Variants in PRDX2 observed in about 807,000 individuals in gnomAD.
PRDX2 encodes peroxiredoxin-2.
A neutral mutation model predicts 19.8 loss-of-function variants in PRDX2; 10 were observed. The ratio of observed to expected loss-of-function variants is 0.50; its 90% CI spans 0.31 to 0.86. The LOEUF is 0.86. Among genes scored for constraint, PRDX2 ranks in the 40% least tolerant of loss-of-function variants. The probability of loss-of-function intolerance (pLI) is 0.04; values close to 1 mark genes in which losing one functional copy is unlikely to be tolerated. For synonymous variants in PRDX2, 118 were observed against 108.2 expected, an observed-to-expected ratio of 1.09 and a Z score of -0.56; for missense variants, 226 against 260.1, an observed-to-expected ratio of 0.87 and a Z score of 0.90.
At chr19:12,801,341 C>T in intron 1 of PRDX2, 71 bp from the exon 2 acceptor site, 1 of 1,474,608 alleles carries the variant, frequency 6.8e-7, no homozygotes. Context: ...GCGCTGCGTG[C>T]TGGGCCCTAT....
chr19:12,799,198 CTGTT>C (rs1180043135), intron 5 of PRDX2, among the ~76,000 whole-genome samples: 8 of 151,280 alleles, frequency 5.3e-5, no homozygotes, highest in East Asian at 2.0e-4. Context: ...CGCGCTCGGC[CTGTT>C]TGTTTGTTTT....
intron 1 of PRDX2, 90 bp from the exon 2 acceptor site, chr19:12,801,360 C>G: frequency 7.4e-7 from 1 of 1,357,404 alleles, no homozygotes; most frequent in East Asian, 2.5e-5. Context: ...ATGACTGAGT[C>G]AGCACGGCGG....
chr19:12,797,656 C>CTTTTT (rs1555733212), intron 5 of PRDX2, among the ~76,000 whole-genome samples: 100 of 113,022 alleles, frequency 8.8e-4, no homozygotes, highest in Non-Finnish European at 1.0e-3. Context: ...TTCTTTCTTT[C>CTTTTT]TTTTTTTTTT....
intron 1 of PRDX2, 37 bp downstream of exon 1, chr19:12,801,703 G>A (rs867495667): frequency 3.4e-6 from 1 of 296,126 alleles, no homozygotes; most frequent in South Asian, 8.3e-5. Flanking sequence ...CAGCCTGAAG[G>A]GGGTCCTCCC....
At chr19:12,801,138 C>A in intron 2 of PRDX2, 21 bp downstream of exon 2, 1 of 1,613,922 alleles carries the variant, frequency 6.2e-7, no homozygotes. Flanking sequence ...TCTACCTGGG[C>A]CCCCTCCGGG....
rs764907738 is a variant in PRDX2 at position 12,797,119 on chromosome 19, C to T, written c.559G>A (p.Val187Met). ...GAGAAATATTCCTTGCTGTCATCCA[C>T]GTTGGGCTTAATCGTGTCACTGCCA... is the stretch of plus-strand genomic sequence containing the variant. Reference protein sequence around the residue: ...KPGSDTIKPNVDDSKEYFSKH... With the variant: ...KPGSDTIKPNMDDSKEYFSKH... Residue 187 changes from valine to methionine, a missense_variant, in exon 6 of 6, where the codon GTG becomes ATG. Transcript: ENST00000301522. 17 of 1,614,062 alleles carry T rather than the reference C, an allele frequency of 1.1e-5. No homozygotes were observed. Among genetic ancestry groups the T allele is most frequent in the South Asian group, 4.4e-5 (4 of 91,088 alleles).
intron 5 of PRDX2, among the ~76,000 whole-genome samples, chr19:12,798,131 G>A (rs1968826006): frequency 6.6e-6 from 1 of 150,460 alleles, no homozygotes. Context: ...TGCAAGCTCC[G>A]CCTCCCAGGT....
At chr19:12,800,770 T>G in intron 3 of PRDX2, 146 bp downstream of exon 3, 1 of 1,542,388 alleles carries the variant, frequency 6.5e-7, no homozygotes. Context: ...GTCATCATCC[T>G]TAAAGACTTG....
chr19:12,800,296 G>T lies in PRDX2; in HGVS notation c.261C>A (p.Ile87=). 6.2e-7 allele frequency: 1 copy of T among 1,611,838 alleles called. No individual in the cohort carries two copies. Among genetic ancestry groups the T allele is most frequent in the Non-Finnish European group, 8.5e-7 (1 of 1,179,136 alleles). The part of the protein sequence containing the change: ...VDSQFTHLAW[I]NTPRKEGGLG... ...AGCCTCCCTCTTTCCGGGGGGTGTT[G>T]ATCCTGGGAGTAGGGGAGACAGAGT... The change falls in exon 4 of 6, where the codon ATC becomes ATA. Residue 87 remains isoleucine (I), a synonymous_variant. Transcript: ENST00000301522.
intron 5 of PRDX2, 75 bp downstream of exon 5, chr19:12,799,784 G>T: frequency 2.6e-6 from 4 of 1,564,866 alleles, no homozygotes. Flanking sequence ...CAGGTAAGAG[G>T]ACAGGCAGTG....
intron 1 of PRDX2, 118 bp from the exon 2 acceptor site, chr19:12,801,388 C>T: frequency 9.3e-7 from 1 of 1,077,110 alleles, no homozygotes; most frequent in South Asian, 1.5e-5. Context: ...AGCACTAACC[C>T]TCACCCTCCC....
intron 5 of PRDX2, among the ~76,000 whole-genome samples, chr19:12,797,659 T>TC (rs199744074): frequency 6.3e-5 from 9 of 143,526 alleles, no homozygotes; most frequent in East Asian, 2.0e-4. Context: ...TTTCTTTCTT[T>TC]TTTTTTTTTT....
chr19:12,801,292 T>C (rs1439687303), intron 1 of PRDX2, 22 bp from the exon 2 acceptor site: 1 of 1,590,384 alleles, frequency 6.3e-7, no homozygotes, highest in Non-Finnish European at 8.6e-7. Context: ...GCCCGGTCAG[T>C]GCGCCCGGGA....
At chr19:12,799,694 T>G in intron 5 of PRDX2, 165 bp downstream of exon 5, 1 of 959,154 alleles carries the variant, frequency 1.0e-6, no homozygotes, top group South Asian at 1.8e-5. Flanking sequence ...CAGGCGTTAT[T>G]TGTCTCCTAC....
chr19:12,800,657 A>T, intron 3 of PRDX2: 1 of 1,417,560 alleles, frequency 7.1e-7, no homozygotes, highest in Non-Finnish European at 9.3e-7. Flanking sequence ...AGGGCAGCAC[A>T]GCCTCCCTCC....
At position 12,800,297 on chromosome 19, in the gene PRDX2, A is replaced by G. The variant is rs765131922; in HGVS notation, c.260T>C (p.Ile87Thr). ...VDSQFTHLAW[I>T]NTPRKEGGLG... ...GCCTCCCTCTTTCCGGGGGGTGTTG[A>G]TCCTGGGAGTAGGGGAGACAGAGTT... The change falls in exon 4 of 6, where the codon ATC becomes ACC. Residue 87 changes from isoleucine to threonine, a missense_variant and splice_region_variant. Transcript: ENST00000301522. 1.8e-5 allele frequency: 29 copies of G among 1,611,712 alleles called. 1 individual carries two copies. In the South Asian group the frequency reaches 2.2e-4, roughly 12 times the overall value.
At chr19:12,798,199 C>T (rs1254705630) in intron 5 of PRDX2, among the ~76,000 whole-genome samples, 2 of 151,706 alleles carry the variant, frequency 1.3e-5, no homozygotes, top group Non-Finnish European at 1.5e-5. Context: ...CGCCCGCCAC[C>T]ACGCCCGACT....
chr19:12,799,260 C>G (rs1007744957), intron 5 of PRDX2, among the ~76,000 whole-genome samples: 1 of 151,906 alleles, frequency 6.6e-6, no homozygotes, highest in African/African-American at 2.4e-5. Context: ...TGCAGTGGTG[C>G]GATCACAGCT....
rs772311016 is a variant in PRDX2 at position 12,797,083 on chromosome 19, A to G, written c.595T>C (p.Ter199GlnextTer3). The change falls in exon 6 of 6, where the codon TAG becomes CAG. Residue 199 changes from the stop codon to glutamine (Q), a stop_lost. Transcript: ENST00000301522. ...AAGCTCACTATCCGTTAGCCAGCCT[A>G]ATTGTGTTTGGAGAAATATTCCTTG... ...DSKEYFSKHN[*>Q] 1 of 1,613,898 alleles carries G rather than the reference A, an allele frequency of 6.2e-7. No individual in the cohort carries two copies. Among genetic ancestry groups the G allele is most frequent in the African/African-American group, 1.3e-5 (1 of 74,932 alleles).
Sources: allele counts gnomAD v4.1 joint callset (sites outside exome capture counted in the v4.1 genomes callset), GRCh38; gene constraint gnomAD v4.1.1; transcripts MANE v1.5; gene names NCBI Gene and HGNC (gene_info 2026-07-23, HGNC 2026-07-21).